Variants in OVCH1 observed in about 807,000 individuals in gnomAD.
The protein encoded by OVCH1 is ovochymase 1.
In OVCH1, 139 loss-of-function variants were observed where a neutral mutation model predicts 138.4. The ratio of observed to expected loss-of-function variants is 1.00; its 90% CI spans 0.87 to 1.16. The LOEUF (loss-of-function observed/expected upper bound fraction) is 1.16. OVCH1 is among the 50% of genes most tolerant of loss of function. The pLI, the probability that OVCH1 is intolerant of heterozygous loss-of-function variation, is 0.00. For synonymous variants in OVCH1, 453 were observed against 467.8 expected, an observed-to-expected ratio of 0.97 and a Z score of 0.41; for missense variants, 1,367 against 1,357.9, an observed-to-expected ratio of 1.01 and a Z score of -0.11.
At chr12:29,451,252 A>T in intron 22 of OVCH1, 93 bp downstream of exon 22, 1 of 948,536 alleles carries the variant, frequency 1.1e-6, no homozygotes, top group Non-Finnish European at 1.6e-6. Context: ...ACATTTTGGT[A>T]ACATTATTAC....
intron 8 of OVCH1, among the ~76,000 whole-genome samples, chr12:29,485,806 G>A (rs2136067604): frequency 6.6e-6 from 1 of 151,492 alleles, no homozygotes; most frequent in South Asian, 2.1e-4. Context: ...AGCTGGGTGT[G>A]GTGGGGGGTG....
rs10651165 is a variant in OVCH1, at chr12:29,449,276, TACACACACACACACACACACAC to T, written c.2755+2047_2755+2068del. On this transcript the variant is annotated intron_variant, in intron 22 of 27. Coordinates refer to ENST00000318184, the Ensembl canonical transcript of OVCH1. ...CCCTCTTGCCTTTTTCCCCCCTCCC[TACACACACACACACACACACAC>T]ACACACACACACACACACACACTCA... Among the ~76,000 whole-genome samples, 6 of 137,438 alleles carry T rather than the reference TACACACACACACACACACACAC, an allele frequency of 4.4e-5. 1 individual carries two copies. The highest frequency in any genetic ancestry group is 1.6e-4 in the African/African-American group (6 of 37,394). 90.2% of individuals were successfully genotyped at this position (137,438 alleles called of 152,430 possible).
At chr12:29,471,763 A>C (rs999302294) in intron 16 of OVCH1, 39 bp downstream of exon 16, 5 of 1,556,564 alleles carry the variant, frequency 3.2e-6, no homozygotes, top group East Asian at 2.3e-5. Context: ...TTACAAATGC[A>C]TGTGCTAAAT....
At chr12:29,435,701 T>TA (rs1485654453) in intron 26 of OVCH1, among the ~76,000 whole-genome samples, 43 of 152,208 alleles carry the variant, frequency 2.8e-4, no homozygotes, top group Admixed American at 1.0e-3. Flanking sequence ...TCCTTCAACC[T>TA]CCCACTACCC....
chr12:29,444,084 A>T lies in OVCH1; in HGVS notation c.3017+61T>A, dbSNP rs960871307. On this transcript the variant is annotated intron_variant, in intron 24 of 27. Coordinates refer to ENST00000318184, the Ensembl canonical transcript of OVCH1. ...TGTTTTAAGCAAGTACCAAGTGTTG[A>T]TGTCAGTCAAGCAATTTTTTCCACA... is the stretch of plus-strand genomic sequence containing the variant. 10 of 1,514,588 alleles carry T rather than the reference A, an allele frequency of 6.6e-6. No homozygotes were observed. In the African/African-American group the frequency reaches 1.4e-4, roughly 21 times the overall value. The allele number at this position is 1,514,588 out of a possible 1,614,324, so 93.8% of individuals were successfully genotyped here.
intron 27 of OVCH1, among the ~76,000 whole-genome samples, chr12:29,433,112 C>T (rs545139661): frequency 1.3e-5 from 2 of 152,252 alleles, no homozygotes; most frequent in African/African-American, 4.8e-5. Flanking sequence ...TCGAAGTAAA[C>T]AAGCTTCCTC....
downstream of OVCH1, among the ~76,000 whole-genome samples, chr12:29,426,292 T>A (rs952012728): frequency 2.6e-5 from 4 of 152,200 alleles, no homozygotes; most frequent in Admixed American, 6.5e-5. Context: ...AAATTTTGCT[T>A]TAAAAGGAAG....
chr12:29,485,471 T>C (rs886609338), intron 8 of OVCH1, among the ~76,000 whole-genome samples: 6 of 151,198 alleles, frequency 4.0e-5, no homozygotes, highest in South Asian at 2.1e-4. Context: ...TGAAATCCTG[T>C]CTCTACTAAA....
At chr12:29,411,715 T>TG (rs1256013489), downstream of OVCH1, among the ~76,000 whole-genome samples, 2 of 152,022 alleles carry the variant, frequency 1.3e-5, no homozygotes, top group Non-Finnish European at 2.9e-5. Context: ...CTGCCCCTAC[T>TG]GGGGGGTGCC....
intron 9 of OVCH1, among the ~76,000 whole-genome samples, chr12:29,478,071 G>A (rs1236927322): frequency 6.6e-6 from 1 of 152,138 alleles, no homozygotes; most frequent in Admixed American, 6.6e-5. Flanking sequence ...CTAACCATTG[G>A]CCTTATAGAG....
chr12:29,449,763 A>G (rs1192802151), intron 22 of OVCH1, among the ~76,000 whole-genome samples: 1 of 152,186 alleles, frequency 6.6e-6, no homozygotes, highest in Non-Finnish European at 1.5e-5. Context: ...ATTTCAAACT[A>G]TACTGCAAGG....
intron 27 of OVCH1, among the ~76,000 whole-genome samples, chr12:29,431,685 C>T (rs1448511662): frequency 6.6e-6 from 1 of 152,100 alleles, no homozygotes; most frequent in Non-Finnish European, 1.5e-5. Flanking sequence ...CGTGTTTTAT[C>T]TGCAATCTTA....
intron 21 of OVCH1, among the ~76,000 whole-genome samples, chr12:29,453,395 A>G (rs991345385): frequency 3.9e-5 from 6 of 152,118 alleles, no homozygotes. Flanking sequence ...TGATGATTCC[A>G]GCACTGAAGT....
chr12:29,441,509 T>TA (rs943398298), intron 25 of OVCH1, among the ~76,000 whole-genome samples: 2 of 151,986 alleles, frequency 1.3e-5, no homozygotes, highest in Non-Finnish European at 2.9e-5. Context: ...CCTAAAACCA[T>TA]AAAAAACCCT....
In OVCH1 at chr12:29,464,492, C is replaced by G. The variant is rs1382208613; in HGVS notation, c.2125+15G>C. The G allele has an allele frequency of 6.2e-7, 1 of 1,611,352 alleles. No homozygotes were observed. On this transcript the variant is annotated intron_variant, in intron 18 of 27. Transcript: ENST00000318184. ...ACAACTGGCATTAATGTTTATGCAA[C>G]AAAAATATGCTTACCTGCACTGATG...
intron 26 of OVCH1, among the ~76,000 whole-genome samples, chr12:29,436,747 TTG>T (rs1941368336): frequency 1.3e-5 from 2 of 151,884 alleles, no homozygotes; most frequent in Admixed American, 1.3e-4. Context: ...GCATCCAGAG[TTG>T]TTTGTTCCTC....
At chr12:29,470,496 G>A (rs986214968) in intron 16 of OVCH1, among the ~76,000 whole-genome samples, 2 of 152,046 alleles carry the variant, frequency 1.3e-5, no homozygotes, top group Admixed American at 6.6e-5. Context: ...GTGTTAGTTC[G>A]CTGAGAATGA....
At chr12:29,413,690 A>ACAC (rs1940993308) in intron 3 of OVCH1, among the ~76,000 whole-genome samples, 1 of 146,784 alleles carries the variant, frequency 6.8e-6, no homozygotes, top group South Asian at 2.1e-4. Flanking sequence ...ACACACACAC[A>ACAC]TTGGTTTTCC....
At chr12:29,452,564 A>T (rs1941826809) in intron 21 of OVCH1, among the ~76,000 whole-genome samples, 1 of 152,212 alleles carries the variant, frequency 6.6e-6, no homozygotes, top group Non-Finnish European at 1.5e-5. Context: ...AACAAAAAAA[A>T]TCAAATTGTT....
Sources: gnomAD v4.1 joint callset for allele counts (sites outside exome capture counted in the v4.1 genomes callset) on GRCh38, gnomAD v4.1.1 for gene constraint, MANE v1.5 for transcripts, NCBI Gene and HGNC (gene_info 2026-07-23, HGNC 2026-07-21) for gene names.